The following SYNPO2 variants were observed in gnomAD, a reference collection of about 807,000 sequenced individuals.
SYNPO2 encodes the protein synaptopodin 2.
SYNPO2 carries 56 observed loss-of-function variants against 85.0 expected under a neutral mutation model. The ratio of observed to expected loss-of-function variants is 0.66; its 90% CI spans 0.53 to 0.82. The LOEUF (loss-of-function observed/expected upper bound fraction) is 0.82. Ranked by LOEUF, SYNPO2 falls within the 40% of genes least tolerant of loss-of-function variation. The pLI, the probability that SYNPO2 is intolerant of heterozygous loss-of-function variation, is 0.00. For missense variants in SYNPO2, 1,575 were observed against 1,534.2 expected, an observed-to-expected ratio of 1.03 and a Z score of -0.44; for synonymous variants, 602 against 591.1, an observed-to-expected ratio of 1.02 and a Z score of -0.27.
intron 1 of SYNPO2, among the ~76,000 whole-genome samples, chr4:118,976,467 C>T (rs1039465074): frequency 3.3e-5 from 5 of 152,116 alleles, no homozygotes; most frequent in Non-Finnish European, 5.9e-5. Flanking sequence ...GGAAGGGGAC[C>T]CTAGCGGGTT....
At chr4:118,866,753 C>T in intron 1 of SYNPO2, among the ~76,000 whole-genome samples, 1 of 152,182 alleles carries the variant, frequency 6.6e-6, no homozygotes. Flanking sequence ...CTCTTTCTCT[C>T]TCCCTTGCCA....
At chr4:119,038,318 C>T (rs1479239174) in intron 4 of SYNPO2, 8 of 984,298 alleles carry the variant, frequency 8.1e-6, no homozygotes, top group African/African-American at 3.5e-5. Flanking sequence ...TGCTATGACG[C>T]ATGTTGAAAG....
chr4:119,038,552 A>G (rs1738607968), intron 4 of SYNPO2: 1 of 985,326 alleles, frequency 1.0e-6, no homozygotes, highest in Non-Finnish European at 1.2e-6. Flanking sequence ...TGCCATTTTA[A>G]CTAAATGTAA....
At chr4:118,895,365 A>G (rs1002437551) in intron 1 of SYNPO2, among the ~76,000 whole-genome samples, 5 of 152,178 alleles carry the variant, frequency 3.3e-5, no homozygotes, top group African/African-American at 7.2e-5. Context: ...GCAGATAGAT[A>G]TATTTATTCA....
At chr4:118,911,525 G>A (rs766586359) in intron 1 of SYNPO2, among the ~76,000 whole-genome samples, 1 of 152,058 alleles carries the variant, frequency 6.6e-6, no homozygotes, top group African/African-American at 2.4e-5. Flanking sequence ...TGATCCTTTC[G>A]TTCTTTCTTT....
At chr4:118,998,458 G>T (rs1736700046) in intron 1 of SYNPO2, among the ~76,000 whole-genome samples, 1 of 152,176 alleles carries the variant, frequency 6.6e-6, no homozygotes, top group Non-Finnish European at 1.5e-5. Flanking sequence ...TTAAAAAATT[G>T]TAATTCTTGC....
chr4:119,058,076 CTGTG>C lies in SYNPO2; in HGVS notation c.*160_*163del, dbSNP rs35036907. The C allele has an allele frequency of 0.028, 14,441 of 513,654 alleles. No homozygotes were observed. The highest frequency in any genetic ancestry group is 0.044 in the East Asian group (1,103 of 25,180). 31.8% of individuals were successfully genotyped at this position (513,654 alleles called of 1,614,324 possible). On this transcript the variant is annotated 3_prime_UTR_variant, in exon 5 of 5. Coordinates refer to ENST00000307142, the MANE Select transcript of SYNPO2 (RefSeq NM_133477.3). Reference sequence around the variant, plus strand: ...AAGTCATTTATCTAAGTTTGTGTTTCTGTGTGTGTGTGTGTGTGTGTATGTATGT... The same window carrying C: ...AAGTCATTTATCTAAGTTTGTGTTTCTGTGTGTGTGTGTGTGTATGTATGT...
At chr4:118,997,874 C>T (rs1736678564) in intron 1 of SYNPO2, among the ~76,000 whole-genome samples, 1 of 152,218 alleles carries the variant, frequency 6.6e-6, no homozygotes, top group African/African-American at 2.4e-5. Flanking sequence ...TATGAGGCAA[C>T]TTTAAACATT....
intron 1 of SYNPO2, among the ~76,000 whole-genome samples, chr4:118,927,698 A>AGATAGAT (rs1733762125): frequency 2.2e-5 from 1 of 45,738 alleles, no homozygotes; most frequent in South Asian, 7.3e-4. Flanking sequence ...TTAAACAATG[A>AGATAGAT]GATAGATAGA....
chr4:119,024,939 A>G (rs1289331921), intron 2 of SYNPO2, among the ~76,000 whole-genome samples: 2 of 152,232 alleles, frequency 1.3e-5, no homozygotes, highest in African/African-American at 2.4e-5. Flanking sequence ...CTCCTTTAAC[A>G]TTCCATCTCT....
At chr4:118,993,194 A>T (rs1736472362) in intron 1 of SYNPO2, among the ~76,000 whole-genome samples, 2 of 150,518 alleles carry the variant, frequency 1.3e-5, no homozygotes, top group Non-Finnish European at 1.5e-5. Context: ...GAAGGAAGAG[A>T]GAGAAGACAA....
chr4:118,963,052 T>G (rs1283806820), intron 1 of SYNPO2, among the ~76,000 whole-genome samples: 1 of 152,198 alleles, frequency 6.6e-6, no homozygotes, highest in Non-Finnish European at 1.5e-5. Context: ...CAAAGTAATA[T>G]AGAGAATAAG....
chr4:118,996,298 C>T (rs879363472), intron 1 of SYNPO2, among the ~76,000 whole-genome samples: 2 of 152,164 alleles, frequency 1.3e-5, no homozygotes, highest in Non-Finnish European at 2.9e-5. Flanking sequence ...CAGACATTGC[C>T]TCCTCTAGAA....
intron 1 of SYNPO2, among the ~76,000 whole-genome samples, chr4:118,910,033 C>T (rs568552519): frequency 1.3e-5 from 2 of 152,278 alleles, no homozygotes; most frequent in Admixed American, 6.5e-5. Context: ...CCATTTCCAA[C>T]GTCTATTTTA....
rs1738259663 is a variant in SYNPO2, at chr4:119,031,511, G to A, written c.2736G>A (p.Lys912=). 4.3e-6 allele frequency: 7 copies of A among 1,613,962 alleles called. No homozygotes were observed. Among genetic ancestry groups the A allele is most frequent in the Non-Finnish European group, 5.9e-6 (7 of 1,180,030 alleles). Residue 912 remains lysine, a synonymous_variant, in exon 4 of 5, where the codon AAG becomes AAA. Coordinates refer to ENST00000307142, the MANE Select transcript of SYNPO2 (RefSeq NM_133477.3). ...CTCCATCTCTCCCGGCCAGTTGGAAGTACTCCTCCAATGTCCGAGCACCTC... is the reference window on the plus strand; with the variant it reads ...CTCCATCTCTCCCGGCCAGTTGGAAATACTCCTCCAATGTCCGAGCACCTC... ...SPTPSLPASW[K]YSSNVRAPPP... is the part of the protein sequence containing the mutation.
chr4:118,976,964 A>G (rs1384571635), intron 1 of SYNPO2, among the ~76,000 whole-genome samples: 5 of 152,192 alleles, frequency 3.3e-5, no homozygotes, highest in Non-Finnish European at 5.9e-5. Context: ...TCCCCACCAG[A>G]CTCAGGAACC....
At chr4:118,861,222 G>A (rs11944359) in intron 1 of SYNPO2, among the ~76,000 whole-genome samples, 3 of 152,034 alleles carry the variant, frequency 2.0e-5, no homozygotes, top group Non-Finnish European at 2.9e-5. Context: ...GTGCGATCTC[G>A]ACTCACTGCA....
At chr4:119,052,335 C>T (rs984160092) in intron 4 of SYNPO2, among the ~76,000 whole-genome samples, 16 of 152,098 alleles carry the variant, frequency 1.1e-4, no homozygotes, top group African/African-American at 3.9e-4. Context: ...AGACAGCTTC[C>T]TAAGGGAGCA....
intron 4 of SYNPO2, chr4:119,043,222 A>G (rs1232769051): frequency 6.6e-6 from 1 of 152,166 alleles, no homozygotes; most frequent in African/African-American, 2.4e-5. Flanking sequence ...GAATTTAGAC[A>G]CACATACTAC....
Sources: allele counts gnomAD v4.1 joint callset (sites outside exome capture counted in the v4.1 genomes callset), GRCh38; gene constraint gnomAD v4.1.1; transcripts MANE v1.5; gene names NCBI Gene and HGNC (gene_info 2026-07-23, HGNC 2026-07-21).